The following OR5M11 variants were observed in gnomAD, a reference collection of about 807,000 sequenced individuals.
OR5M11 encodes the protein olfactory receptor 5M11.
For missense variants in OR5M11, 411 were observed against 375.8 expected, an observed-to-expected ratio of 1.09 and a Z score of -0.77; for synonymous variants, 183 against 147.7, an observed-to-expected ratio of 1.24 and a Z score of -1.73.
In OR5M11 at chr11:56,542,957, A is replaced by C. The variant is rs1247843079; in HGVS notation, c.301T>G (p.Tyr101Asp). Residue 101 changes from tyrosine to aspartate, a missense_variant, in exon 1 of 1, where the codon TAC becomes GAC. Coordinates refer to ENST00000528616, the MANE Select transcript of OR5M11 (RefSeq NM_001005245.1). ...GTGAGTAGAAGGGCAATGAAAATGT[A>C]GCACTGTGTAAAGCAACCAGCAAAG... The part of the protein sequence containing the change: ...ISFAGCFTQC[Y>D]IFIALLLTEF... 6.2e-7 allele frequency: 1 copy of C among 1,614,134 alleles called. No individual in the cohort carries two copies. Among genetic ancestry groups the C allele is most frequent in the Admixed American group, 1.7e-5 (1 of 60,002 alleles).
rs59345582 is a variant in OR5M11, at chr11:56,542,413, G to A, written c.845C>T (p.Pro282Leu). The A allele has an allele frequency of 3.2e-3, 5,139 of 1,613,316 alleles. 182 individuals are homozygous for A. In the East Asian group the frequency reaches 0.086, roughly 27 times the overall value. ...ACTGTAGATCAATGGATTAAGTACC[G>A]GACTCACAAAGGTGTAAAAGACAGC... ...IIAVFYTFVS[P>L]VLNPLIYSLR... Residue 282 changes from proline to leucine, a missense_variant, in exon 1 of 1, where the codon CCG becomes CTG. Pro to Leu is a moderately conservative substitution (Grantham distance 98, BLOSUM62 -3). Transcript: ENST00000528616.
In OR5M11 at chr11:56,542,822, A is replaced by G. The variant is rs770228460; in HGVS notation, c.436T>C (p.Phe146Leu). 3 of 1,613,828 alleles carry G rather than the reference A, an allele frequency of 1.9e-6. No homozygotes were observed. In the African/African-American group the frequency reaches 4.0e-5, roughly 22 times the overall value. Residue 146 changes from phenylalanine (F) to leucine (L), a missense_variant, in exon 1 of 1, where the codon TTT (phenylalanine) becomes CTT (leucine). Transcript: ENST00000528616. Reference sequence around the variant, plus strand: ...TCTGAGAAGCCATAGACATAGGGAAATGTGGCCAAGCAGATGCAAACTCTC... The same window carrying G: ...TCTGAGAAGCCATAGACATAGGGAAGTGTGGCCAAGCAGATGCAAACTCTC... ...SRRVCICLAT[F>L]PYVYGFSDGL...
In OR5M11 at chr11:56,543,158, C is replaced by A; in HGVS notation, c.100G>T (p.Val34Phe). The change falls in exon 1 of 1, where the codon GTT becomes TTT. Residue 34 changes from valine to phenylalanine, a missense_variant. Val to Phe is a conservative substitution (Grantham distance 50, BLOSUM62 -1). Transcript: ENST00000528616. ...QSLLFVLFLV[V>F]YLVTLLGNLG... ...TTGCCTAGCAGGGTGACGAGGTAAA[C>A]AACCAGAAACAGCACAAAAAGCAGA... 6.2e-7 allele frequency: 1 copy of A among 1,613,840 alleles called. No individual in the cohort carries two copies. The highest frequency in any genetic ancestry group is 8.5e-7 in the Non-Finnish European group (1 of 1,179,858).
rs1852859555 is a variant in OR5M11 at position 56,543,082 on chromosome 11, A to G, written c.176T>C (p.Met59Thr). 2 of 1,614,120 alleles carry G rather than the reference A, an allele frequency of 1.2e-6. No individual in the cohort carries two copies. The highest frequency in any genetic ancestry group is 1.1e-5 in the South Asian group (1 of 91,086). The change falls in exon 1 of 1, where the codon ATG (methionine) becomes ACG (threonine). Residue 59 changes from methionine (M) to threonine (T), a missense_variant. Coordinates refer to ENST00000528616, the MANE Select transcript of OR5M11 (RefSeq NM_001005245.1). ...MRLDSRLHTPMYFFLTNLAFV... is the reference protein window; with the variant it reads ...MRLDSRLHTPTYFFLTNLAFV... ...GGCTAAGTTAGTGAGGAAGAAGTACATGGGCGTGTGAAGGCGAGAGTCCAG... is the reference window on the plus strand; with the variant it reads ...GGCTAAGTTAGTGAGGAAGAAGTACGTGGGCGTGTGAAGGCGAGAGTCCAG...
In OR5M11 at chr11:56,542,789, A is replaced by G; in HGVS notation, c.469T>C (p.Phe157Leu). ...AGGCGGAAGGTCAGGATGGCCTGGA[A>G]GAGTCCATCTGAGAAGCCATAGACA... is the stretch of plus-strand genomic sequence containing the variant. ...PYVYGFSDGL[F>L]QAILTFRLTF... Residue 157 changes from phenylalanine (F) to leucine (L), a missense_variant, in exon 1 of 1, where the codon TTC becomes CTC. Physicochemically the swap from Phe to Leu is conservative, Grantham distance 22. Transcript: ENST00000528616. 6.2e-7 allele frequency: 1 copy of G among 1,613,760 alleles called. No individual in the cohort carries two copies. Among genetic ancestry groups the G allele is most frequent in the Non-Finnish European group, 8.5e-7 (1 of 1,179,774 alleles).
At position 56,542,874 on chromosome 11, in the gene OR5M11, A is replaced by T. The variant is rs779869678; in HGVS notation, c.384T>A (p.Pro128=). The T allele has an allele frequency of 1.9e-6, 3 of 1,614,110 alleles. No individual in the cohort carries two copies. Among genetic ancestry groups the T allele is most frequent in the Non-Finnish European group, 2.5e-6 (3 of 1,180,018 alleles). The change falls in exon 1 of 1, where the codon CCT becomes CCA. Residue 128 remains proline, a synonymous_variant. Transcript: ENST00000528616. The stretch of plus-strand genomic sequence containing the variant: ...TGGACGTTTTCACACTGTAGCGCAG[A>T]GGGTCATATATGGCCACATAGCGGT... ...AYDRYVAIYD[P]LRYSVKTSRR...
Position 56,542,984 on chromosome 11 carries a change from A to C in OR5M11, c.274T>G (p.Ser92Ala). 3 of 1,614,070 alleles carry C rather than the reference A, an allele frequency of 1.9e-6. No homozygotes were observed. The highest frequency in any genetic ancestry group is 2.5e-6 in the Non-Finnish European group (3 of 1,179,930). Reference sequence around the variant, plus strand: ...CACTGTGTAAAGCAACCAGCAAAGGAAATGGTCTTCTCAGATACGATATTA... The same window carrying C: ...CACTGTGTAAAGCAACCAGCAAAGGCAATGGTCTTCTCAGATACGATATTA... ...STNIVSEKTI[S>A]FAGCFTQCYI... is the part of the protein sequence containing the mutation. The change falls in exon 1 of 1, where the codon TCC (serine) becomes GCC (alanine). Residue 92 changes from serine to alanine, a missense_variant. Transcript: ENST00000528616.
rs759090520 is a variant in OR5M11 at position 56,543,098 on chromosome 11, G to A, written c.160C>T (p.Arg54Cys). The A allele has an allele frequency of 9.3e-6, 15 of 1,613,904 alleles. No individual in the cohort carries two copies. The highest frequency in any genetic ancestry group is 3.3e-5 in the Admixed American group (2 of 59,990). ...GMIMLMRLDS[R>C]LHTPMYFFLT... ...AAGAAGTACATGGGCGTGTGAAGGC[G>A]AGAGTCCAGTCTCATTAACATTATC... Residue 54 changes from arginine (R) to cysteine (C), a missense_variant, in exon 1 of 1, where the codon CGC (arginine) becomes TGC (cysteine). Physicochemically the swap from Arg to Cys is radical, Grantham distance 180. Transcript: ENST00000528616.
At position 56,542,349 on chromosome 11, in the gene OR5M11, G is replaced by C. The variant is rs368658241; in HGVS notation, c.909C>G (p.Val303=). ...NKDVKQALKN[V]LR ...TGGTCATGACAATATTTCATCTCAG[G>C]ACATTCTTCAAGGCCTGCTTCACAT... The change falls in exon 1 of 1, where the codon GTC becomes GTG. Residue 303 remains valine, a synonymous_variant. Coordinates refer to ENST00000528616, the MANE Select transcript of OR5M11 (RefSeq NM_001005245.1). 78 of 1,583,150 alleles carry C rather than the reference G, an allele frequency of 4.9e-5. 1 individual carries two copies. In the Middle Eastern group the frequency reaches 2.0e-3, roughly 41 times the overall value.
chr11:56,543,140 G>T lies in OR5M11; in HGVS notation c.118C>A (p.Leu40Ile). 1 of 1,613,938 alleles carries T rather than the reference G, an allele frequency of 6.2e-7. No homozygotes were observed. Among genetic ancestry groups the T allele is most frequent in the Non-Finnish European group, 8.5e-7 (1 of 1,179,846 alleles). The change falls in exon 1 of 1, where the codon CTA becomes ATA. Residue 40 changes from leucine to isoleucine, a missense_variant. Leu to Ile is a conservative substitution (Grantham distance 5). Coordinates refer to ENST00000528616, the MANE Select transcript of OR5M11 (RefSeq NM_001005245.1). Reference protein sequence around the residue: ...LFLVVYLVTLLGNLGMIMLMR... With the variant: ...LFLVVYLVTLIGNLGMIMLMR... ...AACATTATCATGCCCAGGTTGCCTAGCAGGGTGACGAGGTAAACAACCAGA... is the reference window on the plus strand; with the variant it reads ...AACATTATCATGCCCAGGTTGCCTATCAGGGTGACGAGGTAAACAACCAGA...
Position 56,542,618 on chromosome 11 carries a change from A to T in OR5M11, c.640T>A (p.Leu214Met). The T allele has an allele frequency of 1.2e-6, 2 of 1,614,038 alleles. No homozygotes were observed. Among genetic ancestry groups the T allele is most frequent in the Non-Finnish European group, 1.7e-6 (2 of 1,179,904 alleles). ...FNLSSSLTIV[L>M]VSYAFILAAI... ...GCAAGAATGAAGGCATAGGACACCA[A>T]GACGATGGTGAGGGAGCTGGAGAGG... The change falls in exon 1 of 1, where the codon TTG becomes ATG. Residue 214 changes from leucine (L) to methionine (M), a missense_variant. Coordinates refer to ENST00000528616, the MANE Select transcript of OR5M11 (RefSeq NM_001005245.1).
chr11:56,542,933 T>G lies in OR5M11; in HGVS notation c.325A>C (p.Thr109Pro). The change falls in exon 1 of 1, where the codon ACT becomes CCT. Residue 109 changes from threonine to proline, a missense_variant. Thr to Pro is a conservative substitution (Grantham distance 38). Transcript: ENST00000528616. ...ATTGCTGCCAGCATGTAAAACTCAG[T>G]GAGTAGAAGGGCAATGAAAATGTAG... ...QCYIFIALLLTEFYMLAAMAY... is the reference protein window; with the variant it reads ...QCYIFIALLLPEFYMLAAMAY... The G allele has an allele frequency of 3.7e-6, 6 of 1,613,952 alleles. No homozygotes were observed. The highest frequency in any genetic ancestry group is 5.1e-6 in the Non-Finnish European group (6 of 1,179,972).
Position 56,542,991 on chromosome 11 carries a change from C to G in OR5M11, c.267G>C (p.Lys89Asn), listed in dbSNP as rs749684845. The G allele has an allele frequency of 3.1e-6, 5 of 1,613,998 alleles. No homozygotes were observed. In the South Asian group the frequency reaches 5.5e-5, roughly 18 times the overall value. Residue 89 changes from lysine to asparagine, a missense_variant, in exon 1 of 1, where the codon AAG becomes AAC. Coordinates refer to ENST00000528616, the MANE Select transcript of OR5M11 (RefSeq NM_001005245.1). ...PQMSTNIVSE[K>N]TISFAGCFTQ... The stretch of plus-strand genomic sequence containing the variant: ...TAAAGCAACCAGCAAAGGAAATGGT[C>G]TTCTCAGATACGATATTAGTCGACA...
At position 56,543,167 on chromosome 11, in the gene OR5M11, A is replaced by C; in HGVS notation, c.91T>G (p.Phe31Val). Reference sequence around the variant, plus strand: ...AGGGTGACGAGGTAAACAACCAGAAACAGCACAAAAAGCAGAGACTGGAGT... The same window carrying C: ...AGGGTGACGAGGTAAACAACCAGAACCAGCACAAAAAGCAGAGACTGGAGT... ...PELQSLLFVLFLVVYLVTLLG... is the reference protein window; with the variant it reads ...PELQSLLFVLVLVVYLVTLLG... The change falls in exon 1 of 1, where the codon TTT becomes GTT. Residue 31 changes from phenylalanine to valine, a missense_variant. Physicochemically the swap from Phe to Val is conservative, Grantham distance 50. Transcript: ENST00000528616. 6.2e-7 allele frequency: 1 copy of C among 1,613,874 alleles called. No individual in the cohort carries two copies. Among genetic ancestry groups the C allele is most frequent in the South Asian group, 1.1e-5 (1 of 91,078 alleles).
chr11:56,542,367 C>T lies in OR5M11; in HGVS notation c.891G>A (p.Lys297=). 1.9e-6 allele frequency: 3 copies of T among 1,602,946 alleles called. No individual in the cohort carries two copies. The highest frequency in any genetic ancestry group is 2.6e-6 in the Non-Finnish European group (3 of 1,173,264). Residue 297 remains lysine, a synonymous_variant, in exon 1 of 1, where the codon AAG becomes AAA. Coordinates refer to ENST00000528616, the MANE Select transcript of OR5M11 (RefSeq NM_001005245.1). ...LIYSLRNKDV[K]QALKNVLR ...ATCTCAGGACATTCTTCAAGGCCTG[C>T]TTCACATCTTTATTCCTCAGACTGT...
Position 56,542,981 on chromosome 11 carries a change from AG to A in OR5M11, c.276del (p.Phe93LeufsTer41). ...TAGCACTGTGTAAAGCAACCAGCAAAGGAAATGGTCTTCTCAGATACGATAT... is the reference window on the plus strand; with the variant it reads ...TAGCACTGTGTAAAGCAACCAGCAAAGAAATGGTCTTCTCAGATACGATAT... ...STNIVSEKTI[S>X]FAGCFTQCYI... On this transcript the variant is annotated frameshift_variant, in exon 1 of 1. Transcript: ENST00000528616. LOFTEE classifies it low-confidence loss of function (END_TRUNC). The A allele has an allele frequency of 6.2e-7, 1 of 1,614,068 alleles. No individual in the cohort carries two copies. Among genetic ancestry groups the A allele is most frequent in the East Asian group, 2.2e-5 (1 of 44,888 alleles).
In OR5M11 at chr11:56,542,802, G is replaced by T. The variant is rs771894321; in HGVS notation, c.456C>A (p.Phe152Leu). 3 of 1,612,776 alleles carry T rather than the reference G, an allele frequency of 1.9e-6. No individual in the cohort carries two copies. Among genetic ancestry groups the T allele is most frequent in the Admixed American group, 3.3e-5 (2 of 59,946 alleles). Residue 152 changes from phenylalanine to leucine, a missense_variant, in exon 1 of 1, where the codon TTC (phenylalanine) becomes TTA (leucine). Physicochemically the swap from Phe to Leu is conservative, Grantham distance 22. Coordinates refer to ENST00000528616, the MANE Select transcript of OR5M11 (RefSeq NM_001005245.1). ...CLATFPYVYG[F>L]SDGLFQAILT... Reference sequence around the variant, plus strand: ...GGATGGCCTGGAAGAGTCCATCTGAGAAGCCATAGACATAGGGAAATGTGG... The same window carrying T: ...GGATGGCCTGGAAGAGTCCATCTGATAAGCCATAGACATAGGGAAATGTGG...
rs1565163879 is a variant in OR5M11 at position 56,543,195 on chromosome 11, CG to C, written c.62del (p.Pro21ArgfsTer20). On this transcript the variant is annotated frameshift_variant, in exon 1 of 1. Coordinates refer to ENST00000528616, the MANE Select transcript of OR5M11 (RefSeq NM_001005245.1). LOFTEE classifies it low-confidence loss of function (END_TRUNC). ...EFILLGLTDCPELQSLLFVLF... is the reference protein window; with the variant it reads ...EFILLGLTDCXELQSLLFVLF... Reference sequence around the variant, plus strand: ...GCACAAAAAGCAGAGACTGGAGTTCCGGGCAATCTGTGAGCCCAAGTAAAAT... The same window carrying C: ...GCACAAAAAGCAGAGACTGGAGTTCCGGCAATCTGTGAGCCCAAGTAAAAT... The C allele has an allele frequency of 1.9e-6, 3 of 1,613,752 alleles. No individual in the cohort carries two copies. In the South Asian group the frequency reaches 3.3e-5, roughly 18 times the overall value.
Position 56,543,196 on chromosome 11 carries a change from G to C in OR5M11, c.62C>G (p.Pro21Arg). ...EFILLGLTDC[P>R]ELQSLLFVLF... ...CACAAAAAGCAGAGACTGGAGTTCC[G>C]GGCAATCTGTGAGCCCAAGTAAAAT... is the stretch of plus-strand genomic sequence containing the variant. Residue 21 changes from proline (P) to arginine (R), a missense_variant, in exon 1 of 1, where the codon CCG becomes CGG. By Grantham distance (103) the Pro-to-Arg change is moderately radical. Transcript: ENST00000528616. 6.2e-7 allele frequency: 1 copy of C among 1,613,832 alleles called. No homozygotes were observed. Among genetic ancestry groups the C allele is most frequent in the African/African-American group, 1.3e-5 (1 of 75,014 alleles).
Sources: gnomAD v4.1 joint callset for allele counts on GRCh38, gnomAD v4.1.1 for gene constraint, MANE v1.5 for transcripts, NCBI Gene and HGNC (gene_info 2026-07-23, HGNC 2026-07-21) for gene names.